Variants in ATRNL1 observed in about 807,000 individuals in gnomAD.
ATRNL1 encodes attractin like 1.
A neutral mutation model predicts 182.7 loss-of-function variants in ATRNL1; 95 were observed. The observed-to-expected ratio is 0.52, with a 90% confidence interval of 0.44 to 0.62. The LOEUF is 0.62. Among genes scored for constraint, ATRNL1 ranks in the 20% least tolerant of loss-of-function variants. The probability of loss-of-function intolerance (pLI) is 0.00; values close to 1 mark genes in which losing one functional copy is unlikely to be tolerated. For missense variants in ATRNL1, 1,471 were observed against 1,679.5 expected (o/e 0.88, Z 2.17); for synonymous variants, 576 against 568.3 (o/e 1.01, Z -0.19).
intron 26 of ATRNL1, among the ~76,000 whole-genome samples, chr10:115,702,965 G>T (rs1555051972): frequency 6.6e-6 from 1 of 151,572 alleles, no homozygotes; most frequent in East Asian, 1.9e-4. Flanking sequence ...GCCCAAATAG[G>T]CAAGGCAATA....
At chr10:115,735,392 T>A (rs2532714) in intron 27 of ATRNL1, among the ~76,000 whole-genome samples, 147,354 of 152,276 alleles carry the variant, frequency 0.97, 71,461 homozygotes, top group Middle Eastern at 1. Context: ...CACTGGCTTC[T>A]GATTTCCGTT....
chr10:115,394,877 T>C, intron 20 of ATRNL1, 125 bp downstream of exon 20: 1 of 726,732 alleles, frequency 1.4e-6, no homozygotes, highest in Non-Finnish European at 2.2e-6. Flanking sequence ...ATTTTTAACT[T>C]TTATTTTAGA....
chr10:115,584,357 C>T (rs28863477), intron 26 of ATRNL1, among the ~76,000 whole-genome samples: 31,152 of 98,946 alleles, frequency 0.31, 6,252 homozygotes, highest in East Asian at 0.75. Flanking sequence ...TGGTAGAATT[C>T]GGCTGTGAAT....
chr10:115,876,996 C>T (rs782194829), intron 28 of ATRNL1, among the ~76,000 whole-genome samples: 5 of 152,118 alleles, frequency 3.3e-5, no homozygotes, highest in Non-Finnish European at 7.3e-5. Flanking sequence ...ACATTTTCTG[C>T]CTTATGGTTC....
At chr10:115,417,397 G>A (rs1554961054) in intron 20 of ATRNL1, among the ~76,000 whole-genome samples, 1 of 152,264 alleles carries the variant, frequency 6.6e-6, no homozygotes, top group Non-Finnish European at 1.5e-5. Context: ...GTGAGTCTGA[G>A]CCTCCTTGAT....
chr10:115,598,034 A>C (rs1008259042), intron 26 of ATRNL1: 1 of 157,382 alleles, frequency 6.4e-6, no homozygotes, highest in Non-Finnish European at 1.4e-5. Context: ...TGTAAGACAT[A>C]AGAGCAATAG....
chr10:115,855,783 A>G (rs1951166686), intron 28 of ATRNL1, among the ~76,000 whole-genome samples: 1 of 152,230 alleles, frequency 6.6e-6, no homozygotes, highest in African/African-American at 2.4e-5. Flanking sequence ...GATTACATCT[A>G]TGAAAACTAA....
chr10:115,247,301 A>T (rs1157003843), intron 10 of ATRNL1, among the ~76,000 whole-genome samples: 1 of 152,180 alleles, frequency 6.6e-6, no homozygotes, highest in Non-Finnish European at 1.5e-5. Context: ...GAACTAAAAA[A>T]TTCTCAATGA....
At chr10:115,685,862 G>A in intron 26 of ATRNL1, among the ~76,000 whole-genome samples, 1 of 151,506 alleles carries the variant, frequency 6.6e-6, no homozygotes, top group South Asian at 2.1e-4. Context: ...ATTTTTCTTA[G>A]TTTTTAAATA....
chr10:115,127,880 A>T (rs1794113403), intron 4 of ATRNL1, among the ~76,000 whole-genome samples, 159 bp downstream of exon 4: 1 of 152,180 alleles, frequency 6.6e-6, no homozygotes, highest in African/African-American at 2.4e-5. Flanking sequence ...GTGACATAAA[A>T]TCTTAATAAT....
intron 27 of ATRNL1, among the ~76,000 whole-genome samples, chr10:115,800,142 C>A (rs1555083993): frequency 6.6e-6 from 1 of 151,836 alleles, no homozygotes; most frequent in African/African-American, 2.4e-5. Flanking sequence ...ATCGCTTGAA[C>A]CCCACGAGAT....
chr10:115,146,213 A>C (rs190961450), intron 5 of ATRNL1, among the ~76,000 whole-genome samples: 1 of 152,152 alleles, frequency 6.6e-6, no homozygotes, highest in Non-Finnish European at 1.5e-5. Flanking sequence ...CTTCAACATT[A>C]AAATGAATGC....
rs543374609 is a variant in ATRNL1, at chr10:115,140,288, G to C, written c.829+10753G>C. 1.2e-4 allele frequency among the ~76,000 whole-genome samples: 18 copies of C among 152,114 alleles called. No homozygotes were observed. In the South Asian group the frequency reaches 3.5e-3, roughly 30 times the overall value. The stretch of plus-strand genomic sequence containing the variant: ...TTCTGGACAAAATCCACACAATAAA[G>C]GATTCTCCCAAACACAGGAAAGGGG... On this transcript the variant is annotated intron_variant, in intron 5 of 28. Coordinates refer to ENST00000355044, the MANE Select transcript of ATRNL1 (RefSeq NM_207303.4).
chr10:115,277,050 CT>C (rs1852136696), intron 13 of ATRNL1, among the ~76,000 whole-genome samples: 6 of 151,874 alleles, frequency 4.0e-5, no homozygotes. Flanking sequence ...TTATCTGATA[CT>C]TCAGGTAAAT....
chr10:115,183,876 T>C (rs1195009392), intron 8 of ATRNL1, among the ~76,000 whole-genome samples: 1 of 151,536 alleles, frequency 6.6e-6, no homozygotes, highest in Non-Finnish European at 1.5e-5. Context: ...ATGTATATGA[T>C]TAAAAATGAA....
At chr10:115,321,077 G>A (rs1854559381) in intron 18 of ATRNL1, among the ~76,000 whole-genome samples, 1 of 152,066 alleles carries the variant, frequency 6.6e-6, no homozygotes, top group Non-Finnish European at 1.5e-5. Flanking sequence ...CCCTTGGATA[G>A]GGTTTTTTGT....
chr10:115,741,180 C>T (rs188264738), intron 27 of ATRNL1, among the ~76,000 whole-genome samples: 9 of 152,158 alleles, frequency 5.9e-5, no homozygotes, highest in Admixed American at 2.0e-4. Context: ...AAAAATACCT[C>T]TAATAAAAAT....
At chr10:115,477,922 A>G (rs1269261599) in intron 24 of ATRNL1, among the ~76,000 whole-genome samples, 1 of 151,720 alleles carries the variant, frequency 6.6e-6, no homozygotes, top group South Asian at 2.1e-4. Flanking sequence ...TCTAATGTAG[A>G]TATTCTTATC....
chr10:115,788,370 C>T (rs1241622193), intron 27 of ATRNL1, among the ~76,000 whole-genome samples: 1 of 145,658 alleles, frequency 6.9e-6, no homozygotes, highest in Non-Finnish European at 1.5e-5. Flanking sequence ...AGATTTGCCC[C>T]CTCTGTAAAC....
Sources: gnomAD v4.1 joint callset for allele counts (sites outside exome capture counted in the v4.1 genomes callset) on GRCh38, gnomAD v4.1.1 for gene constraint, MANE v1.5 for transcripts, NCBI Gene and HGNC (gene_info 2026-07-23, HGNC 2026-07-21) for gene names.